HERC4: variants seen among roughly 807,000 people sequenced by gnomAD.
HERC4 encodes the protein HECT and RLD domain containing E3 ubiquitin protein ligase 4.
A neutral mutation model predicts 124.3 loss-of-function variants in HERC4; 28 were observed. The observed-to-expected ratio is 0.23, with a 90% CI of 0.17 to 0.31. The LOEUF (loss-of-function observed/expected upper bound fraction) is 0.31. Among genes scored for constraint, HERC4 ranks in the 10% least tolerant of loss-of-function variants. The probability of loss-of-function intolerance (pLI) is 1.00; values close to 1 mark genes in which losing one functional copy is unlikely to be tolerated. For missense variants in HERC4, 713 were observed against 1,229.3 expected (o/e 0.58, Z 6.28); for synonymous variants, 407 against 421.5 (o/e 0.97, Z 0.42).
chr10:68,000,688 A>T (rs2037177234), intron 9 of HERC4, among the ~76,000 whole-genome samples: 1 of 152,220 alleles, frequency 6.6e-6, no homozygotes, highest in Non-Finnish European at 1.5e-5. Context: ...ATAATGGAGT[A>T]GGGTAGGTCC....
chr10:67,949,480 C>T (rs1159544432), intron 19 of HERC4, among the ~76,000 whole-genome samples: 1 of 151,890 alleles, frequency 6.6e-6, no homozygotes, highest in Non-Finnish European at 1.5e-5. Context: ...GCACACGCAC[C>T]CCAAAACAAA....
At chr10:67,926,485 T>C (rs937956472) in intron 23 of HERC4, among the ~76,000 whole-genome samples, 4 of 152,022 alleles carry the variant, frequency 2.6e-5, no homozygotes, top group Admixed American at 2.6e-4. Context: ...GGAAATAGTT[T>C]ATACTGTGAA....
chr10:67,927,401 TATATATATATATATATATATATA>T (rs1194775380), intron 23 of HERC4, among the ~76,000 whole-genome samples: 288 of 8,414 alleles, frequency 0.034, 12 homozygotes, highest in African/African-American at 0.08. Context: ...TATATATATA[TATATATATATATATATATATATA>T]TATATATTTT....
At chr10:67,981,330 A>G (rs1278572815) in intron 15 of HERC4, among the ~76,000 whole-genome samples, 1 of 152,378 alleles carries the variant, frequency 6.6e-6, no homozygotes, top group South Asian at 2.1e-4. Context: ...TAGCAAGTGG[A>G]TATAATCATT....
intron 4 of HERC4, among the ~76,000 whole-genome samples, chr10:68,044,000 T>C (rs1244000065): frequency 2.0e-5 from 3 of 152,150 alleles, no homozygotes; most frequent in African/African-American, 7.2e-5. Context: ...TGGACTTCTA[T>C]ATTCAACAGA....
intron 15 of HERC4, 95 bp from the exon 16 acceptor site, chr10:67,966,897 C>T (rs1475205577): frequency 3.3e-6 from 3 of 916,638 alleles, no homozygotes; most frequent in East Asian, 6.7e-5. Flanking sequence ...CTCTGTCAAC[C>T]AGGCTGGAGT....
chr10:67,960,832 T>C (rs1376122085), intron 16 of HERC4: 1 of 269,438 alleles, frequency 3.7e-6, no homozygotes, highest in East Asian at 1.3e-4. Flanking sequence ...AACTTGGGCA[T>C]CTTCAGCATT....
intron 9 of HERC4, among the ~76,000 whole-genome samples, chr10:67,996,543 G>A (rs2036892285): frequency 6.6e-6 from 1 of 152,006 alleles, no homozygotes; most frequent in Non-Finnish European, 1.5e-5. Flanking sequence ...GGACTCCAAA[G>A]GGCTTTGTTT....
intron 20 of HERC4, among the ~76,000 whole-genome samples, chr10:67,940,011 C>G (rs2032737074): frequency 2.0e-5 from 3 of 152,108 alleles, no homozygotes; most frequent in Non-Finnish European, 2.9e-5. Context: ...ACTGCAACCT[C>G]TGCCCCCTGG....
intron 19 of HERC4, among the ~76,000 whole-genome samples, chr10:67,953,441 G>A (rs1428275320): frequency 1.3e-5 from 2 of 152,154 alleles, no homozygotes; most frequent in Non-Finnish European, 2.9e-5. Context: ...CAGTAAATGT[G>A]TAAGATAAGT....
intron 14 of HERC4, 79 bp from the exon 15 acceptor site, chr10:67,988,914 T>C: frequency 1.8e-6 from 2 of 1,116,830 alleles, no homozygotes; most frequent in South Asian, 1.4e-5. Context: ...TGACTTTTTT[T>C]CTGAAACAGT....
chr10:68,058,173 T>C (rs2040650520), intron 3 of HERC4, among the ~76,000 whole-genome samples: 2 of 152,224 alleles, frequency 1.3e-5, no homozygotes, highest in South Asian at 2.1e-4. Context: ...CCATTTTATA[T>C]CGCTCCAATA....
At chr10:68,016,172 A>G (rs920502699) in intron 8 of HERC4, among the ~76,000 whole-genome samples, 2 of 152,156 alleles carry the variant, frequency 1.3e-5, no homozygotes, top group African/African-American at 2.4e-5. Context: ...CATGAACAGA[A>G]CTACCTTAAG....
chr10:68,056,644 G>A (rs902925533), intron 3 of HERC4, among the ~76,000 whole-genome samples: 6 of 152,126 alleles, frequency 3.9e-5, no homozygotes, highest in African/African-American at 1.4e-4. Flanking sequence ...AATATACCTT[G>A]GAAAGATTAA....
At chr10:67,962,283 C>T (rs1368158806) in intron 16 of HERC4, among the ~76,000 whole-genome samples, 2 of 150,694 alleles carry the variant, frequency 1.3e-5, no homozygotes, top group African/African-American at 2.4e-5. Context: ...TACTATATAC[C>T]AAGGGAGTTT....
chr10:67,936,986 A>C (rs1021333024), intron 21 of HERC4, among the ~76,000 whole-genome samples: 1 of 152,178 alleles, frequency 6.6e-6, no homozygotes, highest in Non-Finnish European at 1.5e-5. Context: ...GATGAATAAA[A>C]TGTTATCAGA....
intron 4 of HERC4, among the ~76,000 whole-genome samples, chr10:68,041,978 A>G (rs1488879515): frequency 6.6e-6 from 1 of 152,208 alleles, no homozygotes; most frequent in Non-Finnish European, 1.5e-5. Flanking sequence ...TGTTGTCACA[A>G]AAGTATAACC....
chr10:68,067,882 A>T (rs537082702), intron 3 of HERC4: 89 of 152,340 alleles, frequency 5.8e-4, no homozygotes, highest in African/African-American at 2.0e-3. Flanking sequence ...GTAATACACT[A>T]TACATATTTG....
intron 19 of HERC4, among the ~76,000 whole-genome samples, chr10:67,951,759 A>T (rs546341494): frequency 3.2e-4 from 48 of 152,240 alleles, no homozygotes; most frequent in African/African-American, 1.1e-3. Flanking sequence ...AACTCCTCTG[A>T]AACACGGGCC....
Sources: gnomAD v4.1 joint callset for allele counts (sites outside exome capture counted in the v4.1 genomes callset) on GRCh38, gnomAD v4.1.1 for gene constraint, MANE v1.5 for transcripts, NCBI Gene and HGNC (gene_info 2026-07-23, HGNC 2026-07-21) for gene names.